CDH13: variants seen among roughly 807,000 people sequenced by gnomAD.
CDH13 encodes cadherin 13.
CDH13 carries 24 observed loss-of-function variants against 63.8 expected under a neutral mutation model. The ratio of observed to expected loss-of-function variants is 0.38; its 90% CI spans 0.27 to 0.53. The LOEUF (loss-of-function observed/expected upper bound fraction) is 0.53. Ranked by LOEUF, CDH13 falls within the 20% of genes least tolerant of loss-of-function variation. The pLI is 0.85. For synonymous variants in CDH13, 503 were observed against 355.3 expected (o/e 1.42, Z -4.67); for missense variants, 1,049 against 903.1 (o/e 1.16, Z -2.07).
At chr16:83,438,667 A>G (rs563428539) in intron 6 of CDH13, among the ~76,000 whole-genome samples, 1 of 152,252 alleles carries the variant, frequency 6.6e-6, no homozygotes, top group Non-Finnish European at 1.5e-5. Context: ...TAGAGCCTGT[A>G]TATAGTACGT....
At chr16:83,083,370 A>G (rs528933345) in intron 3 of CDH13, among the ~76,000 whole-genome samples, 51 of 152,362 alleles carry the variant, frequency 3.3e-4, no homozygotes, top group African/African-American at 8.9e-4. Flanking sequence ...AAGGAAGACA[A>G]TAAGGATAGG....
chr16:83,392,873 G>A (rs560321130), intron 6 of CDH13, among the ~76,000 whole-genome samples: 4 of 152,118 alleles, frequency 2.6e-5, no homozygotes, highest in South Asian at 2.1e-4. Context: ...GGCCTGAGCC[G>A]CCCCTGAAGA....
chr16:83,667,498 A>G (rs1381656226), intron 8 of CDH13, among the ~76,000 whole-genome samples: 1 of 151,956 alleles, frequency 6.6e-6, no homozygotes, highest in African/African-American at 2.4e-5. Context: ...CATCCGTCCC[A>G]TCTTCAGACC....
intron 1 of CDH13, among the ~76,000 whole-genome samples, chr16:82,828,407 C>A (rs1348183040): frequency 6.6e-6 from 1 of 152,088 alleles, no homozygotes; most frequent in Admixed American, 6.6e-5. Flanking sequence ...GACTTGAGGC[C>A]AGGAGTTCAA....
chr16:82,791,094 G>T (rs1333181432), intron 1 of CDH13, among the ~76,000 whole-genome samples: 1 of 152,150 alleles, frequency 6.6e-6, no homozygotes. Flanking sequence ...AATATTAGCT[G>T]GGCGTGGTGG....
intron 1 of CDH13, among the ~76,000 whole-genome samples, chr16:82,843,124 C>T (rs549620988): frequency 1.3e-5 from 2 of 152,308 alleles, no homozygotes; most frequent in African/African-American, 4.8e-5. Flanking sequence ...CACCCTTAAA[C>T]TTTTTAAGTT....
chr16:83,055,918 G>T lies in CDH13; in HGVS notation c.366+23700G>T, dbSNP rs142378262. 1.2e-3 allele frequency among the ~76,000 whole-genome samples: 187 copies of T among 152,188 alleles called. 1 individual carries two copies. The East Asian group carries it at 0.035, about 28-fold the overall frequency. ...CATCATTGAGAAAGTGAAAAGGCAG[G>T]CTATACAGTGGAAAAAAAATCTTTG... On this transcript the variant is annotated intron_variant, in intron 3 of 13. Transcript: ENST00000567109.
chr16:83,193,465 G>A (rs28688097), intron 4 of CDH13, among the ~76,000 whole-genome samples: 6,098 of 152,196 alleles, frequency 0.04, 356 homozygotes, highest in African/African-American at 0.14. Flanking sequence ...CTCTTCATGG[G>A]GGTTACAGAC....
intron 8 of CDH13, among the ~76,000 whole-genome samples, chr16:83,652,567 A>G (rs978832011): frequency 6.6e-6 from 1 of 151,346 alleles, no homozygotes; most frequent in African/African-American, 2.5e-5. Context: ...CAAGGCTCTC[A>G]TTGTACCCCC....
intron 1 of CDH13, among the ~76,000 whole-genome samples, chr16:82,725,027 T>A (rs953178885): frequency 6.6e-6 from 1 of 152,310 alleles, no homozygotes; most frequent in Admixed American, 6.5e-5. Flanking sequence ...GGCTTGGCAA[T>A]ACTAAGTTCT....
In CDH13 at chr16:82,912,778, CT is replaced by C. The variant is rs201183087; in HGVS notation, c.157+54306del. 9.6e-4 allele frequency among the ~76,000 whole-genome samples: 146 copies of C among 152,204 alleles called. No homozygotes were observed. The East Asian group carries it at 0.022, about 23-fold the overall frequency. ...CTAATACGGTGAAACCCCGTCTCTACTAAAAATACAAAATATTAGCTGGGCG... is the reference window on the plus strand; with the variant it reads ...CTAATACGGTGAAACCCCGTCTCTACAAAAATACAAAATATTAGCTGGGCG... On this transcript the variant is annotated intron_variant, in intron 2 of 13. Coordinates refer to ENST00000567109, the MANE Select transcript of CDH13 (RefSeq NM_001257.5).
intron 2 of CDH13, among the ~76,000 whole-genome samples, chr16:82,878,053 T>A (rs1283417979): frequency 6.6e-6 from 1 of 152,032 alleles, no homozygotes. Context: ...TGAAAATACA[T>A]ATGTGCAGCT....
chr16:83,026,446 C>G (rs1292188900), intron 2 of CDH13, among the ~76,000 whole-genome samples: 2 of 152,112 alleles, frequency 1.3e-5, no homozygotes, highest in African/African-American at 4.8e-5. Flanking sequence ...ACTGTGCATT[C>G]TCATTGGGGC....
At chr16:83,699,469 T>A (rs1033930400) in intron 10 of CDH13, among the ~76,000 whole-genome samples, 12 of 152,278 alleles carry the variant, frequency 7.9e-5, no homozygotes, top group Middle Eastern at 3.4e-3. Context: ...TTCCAGAGGA[T>A]TGGAGAAGGA....
intron 1 of CDH13, among the ~76,000 whole-genome samples, chr16:82,816,933 G>A (rs759604655): frequency 5.3e-5 from 8 of 151,858 alleles, no homozygotes; most frequent in South Asian, 2.1e-4. Flanking sequence ...ATTCAGGAGC[G>A]GACAGAAAAC....
intron 7 of CDH13, among the ~76,000 whole-genome samples, chr16:83,572,207 T>A (rs1904701701): frequency 6.7e-6 from 1 of 150,314 alleles, no homozygotes; most frequent in African/African-American, 2.5e-5. Flanking sequence ...TGTGTGTGTG[T>A]GTGAGTTTCA....
intron 5 of CDH13, among the ~76,000 whole-genome samples, chr16:83,297,005 C>T (rs1424189): frequency 0.38 from 58,326 of 151,844 alleles, 11,297 homozygotes; most frequent in Admixed American, 0.41. Context: ...TTTGGGAAAT[C>T]GCTCTGAAGA....
intron 13 of CDH13, among the ~76,000 whole-genome samples, chr16:83,792,572 C>T (rs1344902130): frequency 6.6e-6 from 1 of 152,188 alleles, no homozygotes; most frequent in Non-Finnish European, 1.5e-5. Context: ...CTAGTGGCAT[C>T]TAGTGGATGG....
intron 7 of CDH13, among the ~76,000 whole-genome samples, chr16:83,529,734 A>G (rs530595674): frequency 7.0e-4 from 106 of 152,354 alleles, no homozygotes; most frequent in African/African-American, 2.3e-3. Flanking sequence ...ACAGAATTTT[A>G]TCTATTAAAC....
Sources: allele counts gnomAD v4.1 joint callset (sites outside exome capture counted in the v4.1 genomes callset), GRCh38; gene constraint gnomAD v4.1.1; transcripts MANE v1.5; gene names NCBI Gene and HGNC (gene_info 2026-07-23, HGNC 2026-07-21).